Variants in SVIL observed in about 807,000 individuals in gnomAD.
The protein encoded by SVIL is supervillin.
In SVIL, 101 loss-of-function variants were observed where a neutral mutation model predicts 240.4. The observed-to-expected ratio is 0.42, with a 90% CI of 0.36 to 0.50. The LOEUF (loss-of-function observed/expected upper bound fraction) is 0.50. SVIL is among the 20% of genes least tolerant of loss of function. SVIL has a pLI of 0.01. For synonymous variants in SVIL, 999 were observed against 1,100.0 expected, an observed-to-expected ratio of 0.91 and a Z score of 1.82; for missense variants, 2,512 against 2,818.7, an observed-to-expected ratio of 0.89 and a Z score of 2.46.
At chr10:29,544,168 T>C (rs1952421437) in intron 6 of SVIL, among the ~76,000 whole-genome samples, 1 of 152,246 alleles carries the variant, frequency 6.6e-6, no homozygotes, top group South Asian at 2.1e-4. Context: ...ACAGTCAAAT[T>C]AGTTTCTCCA....
intron 1 of SVIL, among the ~76,000 whole-genome samples, chr10:29,723,628 C>T: frequency 6.6e-6 from 1 of 152,078 alleles, no homozygotes; most frequent in East Asian, 1.9e-4. Context: ...GAGGAAACTT[C>T]TCTCTTACTA....
At chr10:29,693,349 G>C (rs532403109) in intron 1 of SVIL, among the ~76,000 whole-genome samples, 1 of 152,098 alleles carries the variant, frequency 6.6e-6, no homozygotes, top group African/African-American at 2.4e-5. Context: ...AAGGAGAGAA[G>C]AGGAAGGAAA....
At position 29,568,730 on chromosome 10, in the gene SVIL, T is replaced by A. The variant is rs1004941944; in HGVS notation, c.-143+525A>T. ...CAAGGGGACTGGAAGTTCAGAAAGG[T>A]TAAGAGAGAGAGTTGAGAAGACCAG... On this transcript the variant is annotated intron_variant, in intron 2 of 37. Transcript: ENST00000355867. 3.2e-4 allele frequency among the ~76,000 whole-genome samples: 49 copies of A among 151,728 alleles called. 1 individual carries two copies. Among genetic ancestry groups the A allele is most frequent in the Non-Finnish European group, 2.2e-4 (15 of 67,940 alleles).
chr10:29,725,028 C>CAAAAAA (rs1187861054), intron 1 of SVIL, among the ~76,000 whole-genome samples: 6 of 40,934 alleles, frequency 1.5e-4, no homozygotes, highest in South Asian at 1.3e-3. Context: ...GACCCGGTCT[C>CAAAAAA]AAAAAAAAAA....
chr10:29,717,705 C>G (rs1425903851), intron 1 of SVIL, among the ~76,000 whole-genome samples: 1 of 152,124 alleles, frequency 6.6e-6, no homozygotes, highest in Non-Finnish European at 1.5e-5. Context: ...ATTAATTATT[C>G]TAAAAAAGAT....
At chr10:29,594,700 G>T (rs942571051) in intron 1 of SVIL, among the ~76,000 whole-genome samples, 1 of 152,048 alleles carries the variant, frequency 6.6e-6, no homozygotes, top group African/African-American at 2.4e-5. Flanking sequence ...GGGACTACAG[G>T]TGTGTGCCAC....
Position 29,604,202 on chromosome 10 carries a change from CTTT to C in SVIL, c.-201+30215_-201+30217del, listed in dbSNP as rs34705681. On this transcript the variant is annotated intron_variant, in intron 1 of 37. Coordinates refer to ENST00000355867, the MANE Select transcript of SVIL (RefSeq NM_021738.3). ...TATTTTATTATTTATTATTGTTCCT[CTTT>C]TTTTTTTTTTTTGAGACAGAGTTTT... Among the ~76,000 whole-genome samples the C allele has an allele frequency of 9.1e-3, 1,227 of 134,932 alleles. 42 individuals carry two copies. Among genetic ancestry groups the C allele is most frequent in the Admixed American group, 0.075 (1,014 of 13,446 alleles). 88.5% of individuals were successfully genotyped at this position (134,932 alleles called of 152,430 possible).
intron 6 of SVIL, among the ~76,000 whole-genome samples, chr10:29,544,679 G>C (rs1039131671): frequency 6.8e-6 from 1 of 147,960 alleles, no homozygotes; most frequent in African/African-American, 2.5e-5. Context: ...GAACGCTCGA[G>C]CCCAGGAAGT....
chr10:29,700,226 C>T (rs547527428), intron 1 of SVIL, among the ~76,000 whole-genome samples: 7 of 152,214 alleles, frequency 4.6e-5, no homozygotes, highest in African/African-American at 1.7e-4. Context: ...ATGGAATGCA[C>T]GTAAAATAAA....
intron 17 of SVIL, among the ~76,000 whole-genome samples, chr10:29,500,666 G>T (rs1350499708): frequency 6.6e-6 from 1 of 152,130 alleles, no homozygotes; most frequent in African/African-American, 2.4e-5. Flanking sequence ...ATTCTAGCAG[G>T]TCCCCCACCT....
intron 1 of SVIL, among the ~76,000 whole-genome samples, chr10:29,605,004 C>A (rs2479692): frequency 0.46 from 69,236 of 152,048 alleles, 16,657 homozygotes; most frequent in Non-Finnish European, 0.52. Context: ...AGGATAAGGG[C>A]GGGAATACTG....
At chr10:29,508,252 C>T in intron 17 of SVIL, 8 of 788,572 alleles carry the variant, frequency 1.0e-5, no homozygotes, top group Non-Finnish European at 1.5e-5. Flanking sequence ...AGGGAGGGTG[C>T]ACGAAGGAAC....
rs142868266 is a variant in SVIL at position 29,538,638 on chromosome 10, G to A, written c.828-2569C>T. Among the ~76,000 whole-genome samples the A allele has an allele frequency of 4.1e-4, 63 of 152,348 alleles. 1 individual carries two copies. The highest frequency in any genetic ancestry group is 8.1e-4 in the Non-Finnish European group (55 of 68,030). On this transcript the variant is annotated intron_variant, in intron 6 of 37. Transcript: ENST00000355867. The stretch of plus-strand genomic sequence containing the variant: ...CCAGCCATACAACCATGAGGGGAAC[G>A]ACCCATCTCCATAGTGTGCTGCATG...
At chr10:29,504,184 A>T (rs1949101884) in intron 17 of SVIL, among the ~76,000 whole-genome samples, 2 of 152,222 alleles carry the variant, frequency 1.3e-5, no homozygotes, top group South Asian at 4.1e-4. Flanking sequence ...CATTCCCCAA[A>T]ATTAACTAAA....
intron 6 of SVIL, among the ~76,000 whole-genome samples, chr10:29,549,895 A>C (rs1953094179): frequency 9.6e-6 from 1 of 104,426 alleles, no homozygotes; most frequent in Non-Finnish European, 1.9e-5. Flanking sequence ...GGGGGGAGGG[A>C]TAGCATTGGG....
At chr10:29,574,136 T>C (rs1357920378) in intron 1 of SVIL, among the ~76,000 whole-genome samples, 1 of 152,242 alleles carries the variant, frequency 6.6e-6, no homozygotes. Flanking sequence ...TGAGAAGCAC[T>C]AATCTTACTC....
chr10:29,658,684 A>G (rs1459962054), intron 2 of SVIL, among the ~76,000 whole-genome samples: 2 of 152,194 alleles, frequency 1.3e-5, no homozygotes, highest in African/African-American at 2.4e-5. Flanking sequence ...TGAGTCCAGG[A>G]GGTTAAGGCT....
At chr10:29,621,387 G>A (rs985669249) in intron 1 of SVIL, among the ~76,000 whole-genome samples, 11 of 152,260 alleles carry the variant, frequency 7.2e-5, no homozygotes, top group Admixed American at 7.2e-4. Context: ...CGTTGGCAGG[G>A]AGGGCATTCC....
intron 16 of SVIL, among the ~76,000 whole-genome samples, chr10:29,514,204 T>A (rs1386717998): frequency 6.6e-6 from 1 of 152,180 alleles, no homozygotes; most frequent in Non-Finnish European, 1.5e-5. Flanking sequence ...AATATTTTTA[T>A]CCATAAATAT....
Sources: allele counts gnomAD v4.1 joint callset (sites outside exome capture counted in the v4.1 genomes callset), GRCh38; gene constraint gnomAD v4.1.1; transcripts MANE v1.5; gene names NCBI Gene and HGNC (gene_info 2026-07-23, HGNC 2026-07-21).